HCN1: variants seen among roughly 807,000 people sequenced by gnomAD.
HCN1 encodes the protein hyperpolarization activated cyclic nucleotide gated potassium channel 1.
HCN1 carries 13 observed loss-of-function variants against 78.9 expected under a neutral mutation model. That is an observed-to-expected ratio of 0.16 (90% CI 0.11 to 0.26). The LOEUF (loss-of-function observed/expected upper bound fraction) is 0.26, where lower values mean the gene tolerates loss of function less well. Ranked by LOEUF, HCN1 falls within the 10% of genes least tolerant of loss-of-function variation. HCN1 has a pLI of 1.00. For synonymous variants in HCN1, 552 were observed against 455.5 expected, an observed-to-expected ratio of 1.21 and a Z score of -2.70; for missense variants, 810 against 1,154.3, an observed-to-expected ratio of 0.70 and a Z score of 4.32.
At chr5:45,507,073 G>A (rs771563552) in intron 2 of HCN1, among the ~76,000 whole-genome samples, 16 of 152,122 alleles carry the variant, frequency 1.1e-4, no homozygotes, top group Non-Finnish European at 1.6e-4. Flanking sequence ...TAGAAGGAAT[G>A]TTTCACAGCA....
chr5:45,483,774 C>A (rs114234608), intron 2 of HCN1, among the ~76,000 whole-genome samples: 2 of 152,032 alleles, frequency 1.3e-5, no homozygotes, highest in African/African-American at 4.8e-5. Context: ...AATCTTTAAT[C>A]CATTTTGAGT....
intron 5 of HCN1, among the ~76,000 whole-genome samples, chr5:45,346,545 C>G (rs893295139): frequency 3.9e-5 from 6 of 152,118 alleles, no homozygotes; most frequent in African/African-American, 1.2e-4. Flanking sequence ...CATGAGCGAG[C>G]TGAAGCAGGG....
rs527483767 is a variant in HCN1, at chr5:45,446,431, G to A, written c.1011+15415C>T. The stretch of plus-strand genomic sequence containing the variant: ...TCTGATTGGTGTACCTGAAAGTGAC[G>A]GGGAGAATGGAACCAAGTTGGAAAA... On this transcript the variant is annotated intron_variant, in intron 3 of 7. Transcript: ENST00000303230. Among the ~76,000 whole-genome samples, 196 of 152,074 alleles carry A rather than the reference G, an allele frequency of 1.3e-3. 1 individual carries two copies. The highest frequency in any genetic ancestry group is 4.4e-3 in the African/African-American group (183 of 41,478).
chr5:45,296,452 G>A (rs1484240823), intron 6 of HCN1, among the ~76,000 whole-genome samples: 1 of 151,714 alleles, frequency 6.6e-6, no homozygotes, highest in Non-Finnish European at 1.5e-5. Context: ...TTTGTATGAG[G>A]CAGAAAATGA....
At chr5:45,289,513 A>G (rs1477148272) in intron 6 of HCN1, among the ~76,000 whole-genome samples, 1 of 152,044 alleles carries the variant, frequency 6.6e-6, no homozygotes, top group Non-Finnish European at 1.5e-5. Flanking sequence ...AGTTTGCACA[A>G]CTTTATCCAA....
Position 45,258,690 on chromosome 5 carries a change from T to C in HCN1, c.*3231A>G, listed in dbSNP as rs1005092309. The C allele has an allele frequency of 7.2e-5, 11 of 152,080 alleles. No homozygotes were observed. Among genetic ancestry groups the C allele is most frequent in the African/African-American group, 2.4e-4 (10 of 41,440 alleles). The allele number at this position is 152,080 out of a possible 1,614,324, so 9.4% of individuals were successfully genotyped here. A position where few individuals can be genotyped will look rare whatever the true frequency, so the allele number is the denominator to read the frequency against. On this transcript the variant is annotated 3_prime_UTR_variant, in exon 8 of 8. Transcript: ENST00000303230. ...TGAATATATTTATACAAACCTATTT[T>C]GTTATAATAGGGCCTTGGGCCTACT...
intron 2 of HCN1, among the ~76,000 whole-genome samples, chr5:45,585,024 G>T (rs935013398): frequency 6.6e-6 from 1 of 152,006 alleles, no homozygotes; most frequent in Non-Finnish European, 1.5e-5. Flanking sequence ...TGCTCTTCTC[G>T]AGCAGTATCA....
chr5:45,325,458 A>G (rs1393962284), intron 5 of HCN1, among the ~76,000 whole-genome samples: 4 of 151,784 alleles, frequency 2.6e-5, no homozygotes, highest in African/African-American at 9.7e-5. Context: ...GGTTTTGATC[A>G]AAGTCAACAA....
At chr5:45,619,415 G>A (rs996399382) in intron 2 of HCN1, among the ~76,000 whole-genome samples, 2 of 152,038 alleles carry the variant, frequency 1.3e-5, no homozygotes, top group African/African-American at 2.4e-5. Context: ...CAGAAAATAA[G>A]GAAGTGCTAA....
intron 5 of HCN1, among the ~76,000 whole-genome samples, chr5:45,350,063 C>T (rs1026421799): frequency 2.6e-5 from 4 of 152,034 alleles, no homozygotes; most frequent in African/African-American, 9.7e-5. Context: ...TGGGCAGACA[C>T]ACAACCAAAA....
intron 5 of HCN1, among the ~76,000 whole-genome samples, chr5:45,339,051 T>A (rs1015840141): frequency 6.6e-6 from 1 of 152,182 alleles, no homozygotes; most frequent in African/African-American, 2.4e-5. Context: ...TTACAAGGTG[T>A]TAACTGGCTG....
intron 4 of HCN1, among the ~76,000 whole-genome samples, chr5:45,364,625 A>G (rs1347203591): frequency 1.3e-5 from 2 of 152,104 alleles, no homozygotes; most frequent in Non-Finnish European, 2.9e-5. Flanking sequence ...GGGTACACTC[A>G]TGTCTCTGTT....
At position 45,572,199 on chromosome 5, in the gene HCN1, C is replaced by G. The variant is rs1415579253; in HGVS notation, c.849+72986G>C. ...CCAAAGGATAAATAAAAAATATATA[C>G]CCTTCAAGAAGCATTTTCATTCTAA... is the stretch of plus-strand genomic sequence containing the variant. On this transcript the variant is annotated intron_variant, in intron 2 of 7. Coordinates refer to ENST00000303230, the MANE Select transcript of HCN1 (RefSeq NM_021072.4). Among the ~76,000 whole-genome samples, 9 of 152,248 alleles carry G rather than the reference C, an allele frequency of 5.9e-5. No homozygotes were observed. In the East Asian group the frequency reaches 1.7e-3, roughly 29 times the overall value.
chr5:45,263,573 C>G (rs1744793370), intron 7 of HCN1, among the ~76,000 whole-genome samples: 2 of 152,136 alleles, frequency 1.3e-5, no homozygotes, highest in Non-Finnish European at 1.5e-5. Flanking sequence ...CTGAGGAGGA[C>G]TGTATCAGGT....
chr5:45,412,796 G>C (rs983796790), intron 3 of HCN1, among the ~76,000 whole-genome samples: 8 of 152,002 alleles, frequency 5.3e-5, no homozygotes, highest in African/African-American at 1.9e-4. Context: ...AGGATGAAGA[G>C]AGCATGAGGA....
chr5:45,550,804 C>A (rs1253112007), intron 2 of HCN1, among the ~76,000 whole-genome samples: 2 of 151,860 alleles, frequency 1.3e-5, no homozygotes, highest in African/African-American at 4.8e-5. Context: ...GTGGTAGCAA[C>A]AATAAAAATT....
intron 4 of HCN1, among the ~76,000 whole-genome samples, chr5:45,377,121 T>C (rs1449192280): frequency 3.9e-5 from 6 of 151,916 alleles, no homozygotes; most frequent in African/African-American, 9.7e-5. Flanking sequence ...GTCAGAAAAA[T>C]AGAAGCCTTG....
At chr5:45,612,443 A>G (rs1489899973) in intron 2 of HCN1, among the ~76,000 whole-genome samples, 2 of 152,190 alleles carry the variant, frequency 1.3e-5, no homozygotes, top group Non-Finnish European at 2.9e-5. Flanking sequence ...ATTTATAATG[A>G]CAGCCAACAC....
chr5:45,348,536 T>C (rs890768257), intron 5 of HCN1, among the ~76,000 whole-genome samples: 9 of 152,142 alleles, frequency 5.9e-5, no homozygotes, highest in Admixed American at 3.9e-4. Flanking sequence ...TAAATGTAAA[T>C]GGACTAAATG....
Sources: gnomAD v4.1 joint callset for allele counts (sites outside exome capture counted in the v4.1 genomes callset) on GRCh38, gnomAD v4.1.1 for gene constraint, MANE v1.5 for transcripts, NCBI Gene and HGNC (gene_info 2026-07-23, HGNC 2026-07-21) for gene names.